The following PDHX variants were observed in gnomAD, a reference collection of about 807,000 sequenced individuals.
PDHX encodes pyruvate dehydrogenase protein X component, mitochondrial.
In PDHX, 33 loss-of-function variants were observed where a neutral mutation model predicts 55.3. That is an observed-to-expected ratio of 0.60 (90% CI 0.45 to 0.80). The LOEUF is 0.80. Ranked by LOEUF, PDHX falls within the 30% of genes least tolerant of loss-of-function variation. PDHX has a pLI of 0.00. For synonymous variants in PDHX, 226 were observed against 219.4 expected (o/e 1.03, Z -0.27); for missense variants, 622 against 619.9 (o/e 1.00, Z -0.04).
chr11:34,925,695 T>C (rs1210405133), intron 1 of PDHX, among the ~76,000 whole-genome samples: 1 of 152,236 alleles, frequency 6.6e-6, no homozygotes, highest in South Asian at 2.1e-4. Context: ...TTTCAATCTT[T>C]GTATGTGTAC....
intron 10 of PDHX, 34 bp downstream of exon 10, chr11:34,992,413 A>G: frequency 2.8e-6 from 3 of 1,068,056 alleles, no homozygotes; most frequent in Non-Finnish European, 4.4e-6. Context: ...CCATAGCATC[A>G]AACAGATAGA....
chr11:34,995,020 A>C lies in PDHX; in HGVS notation c.1354A>C (p.Thr452Pro). ...VGRFRPVLKLTEDEEGNAKLQ... is the reference protein window; with the variant it reads ...VGRFRPVLKLPEDEEGNAKLQ... ...GAGGTTCCGACCTGTGCTGAAGCTC[A>C]CTGAGGATGAAGAGGGAAATGCCAA... Residue 452 changes from threonine to proline, a missense_variant, in exon 11 of 11, where the codon ACT (threonine) becomes CCT (proline). Thr to Pro is a conservative substitution (Grantham distance 38). Transcript: ENST00000227868. 1 of 1,614,020 alleles carries C rather than the reference A, an allele frequency of 6.2e-7. No homozygotes were observed. The highest frequency in any genetic ancestry group is 8.5e-7 in the Non-Finnish European group (1 of 1,179,922).
chr11:34,918,109 A>G (rs1289396396), intron 1 of PDHX, among the ~76,000 whole-genome samples: 1 of 152,146 alleles, frequency 6.6e-6, no homozygotes, highest in Non-Finnish European at 1.5e-5. Context: ...TGAAAATGTT[A>G]CAGACTCTCT....
At chr11:34,957,712 C>T (rs1198924708) in intron 4 of PDHX, 129 bp downstream of exon 4, 3 of 721,258 alleles carry the variant, frequency 4.2e-6, no homozygotes, top group East Asian at 2.7e-5. Context: ...TCAGCACACT[C>T]AGACCTTAGA....
intron 2 of PDHX, among the ~76,000 whole-genome samples, chr11:34,944,044 A>G (rs1342931861): frequency 6.7e-6 from 1 of 148,844 alleles, no homozygotes; most frequent in Non-Finnish European, 1.5e-5. Context: ...ATGTATATAT[A>G]TTTTATATGT....
At chr11:34,979,465 T>A (rs1855457561) in intron 8 of PDHX, among the ~76,000 whole-genome samples, 1 of 152,170 alleles carries the variant, frequency 6.6e-6, no homozygotes, top group Non-Finnish European at 1.5e-5. Context: ...CACTGCTTGT[T>A]AACAGACTGT....
intron 5 of PDHX, among the ~76,000 whole-genome samples, chr11:34,961,542 C>T (rs190721349): frequency 1.3e-5 from 2 of 152,124 alleles, no homozygotes; most frequent in Admixed American, 6.5e-5. Context: ...TTTTGTAAGT[C>T]GAGAGAGAGC....
At chr11:34,915,960 C>T (rs1209063113), upstream of PDHX, 1 of 568,974 alleles carries the variant, frequency 1.8e-6, no homozygotes, top group African/African-American at 2.0e-5. Context: ...TAAACGCTCT[C>T]CTCTCTCAGT....
chr11:34,951,216 C>G (rs1194137371), intron 3 of PDHX, among the ~76,000 whole-genome samples: 1 of 151,912 alleles, frequency 6.6e-6, no homozygotes, highest in East Asian at 1.9e-4. Flanking sequence ...GCCATCACGC[C>G]CGGCTAATTT....
intron 7 of PDHX, among the ~76,000 whole-genome samples, chr11:34,974,408 T>G (rs1044603475): frequency 4.6e-5 from 7 of 152,218 alleles, no homozygotes; most frequent in African/African-American, 1.7e-4. Flanking sequence ...AATTCATGTG[T>G]TAATGGATAA....
At chr11:34,916,316 T>C (rs761422179), upstream of PDHX, 25 of 1,609,190 alleles carry the variant, frequency 1.6e-5, no homozygotes, top group Non-Finnish European at 2.1e-5. Context: ...CGGCCTCCAA[T>C]CTCCGCACGG....
rs775596540 is a variant in PDHX at position 34,992,431 on chromosome 11, CT to C, written c.1247+54del. The C allele has an allele frequency of 3.3e-6, 3 of 908,788 alleles. No homozygotes were observed. In the South Asian group the frequency reaches 4.0e-5, roughly 12 times the overall value. The allele number at this position is 908,788 out of a possible 1,614,324, so 56.3% of individuals were successfully genotyped here. A position where few individuals can be genotyped will look rare whatever the true frequency, so the allele number is the denominator to read the frequency against. ...TAGCATCAAACAGATAGATGTAAGA[CT>C]TATAAAGTCCCTGTCAGCCTTTCAT... is the stretch of plus-strand genomic sequence containing the variant. On this transcript the variant is annotated intron_variant, in intron 10 of 10. Transcript: ENST00000227868.
intron 8 of PDHX, 56 bp downstream of exon 8, chr11:34,978,238 T>G: frequency 1.0e-6 from 1 of 985,498 alleles, no homozygotes. Context: ...TGTCGTGGAA[T>G]TTTTACAATG....
At chr11:34,940,376 A>T (rs1188715891) in intron 2 of PDHX, among the ~76,000 whole-genome samples, 1 of 152,222 alleles carries the variant, frequency 6.6e-6, no homozygotes, top group African/African-American at 2.4e-5. Flanking sequence ...AGAAAGCCTT[A>T]TCCTATATCA....
intron 3 of PDHX, among the ~76,000 whole-genome samples, chr11:34,953,065 A>G (rs1854815897): frequency 6.6e-6 from 1 of 152,082 alleles, no homozygotes; most frequent in Non-Finnish European, 1.5e-5. Flanking sequence ...ACAGAGAGCC[A>G]AATCATGAGT....
At chr11:34,922,702 C>G (rs1370068735) in intron 1 of PDHX, among the ~76,000 whole-genome samples, 2 of 152,150 alleles carry the variant, frequency 1.3e-5, no homozygotes, top group Non-Finnish European at 2.9e-5. Flanking sequence ...AAATTCTTGA[C>G]TACGTGTAAG....
chr11:34,972,504 T>C (rs1855279032), intron 7 of PDHX, among the ~76,000 whole-genome samples: 1 of 151,866 alleles, frequency 6.6e-6, no homozygotes, highest in Non-Finnish European at 1.5e-5. Flanking sequence ...TTCAAATGAT[T>C]CTCACGCCTC....
chr11:34,933,353 C>T (rs1854222891), intron 2 of PDHX, among the ~76,000 whole-genome samples: 1 of 152,100 alleles, frequency 6.6e-6, no homozygotes, highest in Non-Finnish European at 1.5e-5. Context: ...TAGATTATAA[C>T]TGAAGGATAA....
intron 9 of PDHX, among the ~76,000 whole-genome samples, chr11:34,989,509 G>A (rs749279644): frequency 2.6e-5 from 4 of 152,180 alleles, no homozygotes; most frequent in Admixed American, 6.5e-5. Context: ...AGAACCTGCA[G>A]CAAAGAAACC....
Sources: gnomAD v4.1 joint callset for allele counts (sites outside exome capture counted in the v4.1 genomes callset) on GRCh38, gnomAD v4.1.1 for gene constraint, MANE v1.5 for transcripts, NCBI Gene and HGNC (gene_info 2026-07-23, HGNC 2026-07-21) for gene names.